The following CYB5R4 variants were observed in gnomAD, a reference collection of about 807,000 sequenced individuals.
The protein encoded by CYB5R4 is N-terminal cytochrome b5 and cytochrome b5 oxidoreductase domain-containing protein.
A neutral mutation model predicts 70.2 loss-of-function variants in CYB5R4; 55 were observed. The ratio of observed to expected loss-of-function variants is 0.78; its 90% CI spans 0.63 to 0.98. CYB5R4 has a LOEUF of 0.98. Ranked by LOEUF, CYB5R4 falls within the 50% of genes least tolerant of loss-of-function variation. CYB5R4 has a pLI of 0.00. For synonymous variants in CYB5R4, 197 were observed against 199.5 expected (o/e 0.99, Z 0.11); for missense variants, 562 against 612.6 (o/e 0.92, Z 0.87).
intron 9 of CYB5R4, 21 bp from the exon 10 acceptor site, chr6:83,924,449 T>C (rs888165949): frequency 6.2e-7 from 1 of 1,609,462 alleles, no homozygotes. Flanking sequence ...TGAACACAAA[T>C]GGAATTTATC....
intron 3 of CYB5R4, among the ~76,000 whole-genome samples, chr6:83,898,548 C>T (rs2099462316): frequency 6.6e-6 from 1 of 152,084 alleles, no homozygotes; most frequent in Non-Finnish European, 1.5e-5. Context: ...TATAAATTAC[C>T]TTGGGCAGTA....
rs761812600 is a variant in CYB5R4, at chr6:83,918,101, C to CA, written c.506+38dup. The stretch of plus-strand genomic sequence containing the variant: ...TTATTTAAAATTTTTAAAGTTAAAT[C>CA]AATTATGTACAAAAATGTACACATT... On this transcript the variant is annotated intron_variant, in intron 6 of 15. Coordinates refer to ENST00000369681, the MANE Select transcript of CYB5R4 (RefSeq NM_016230.4). 5.5e-6 allele frequency: 8 copies of CA among 1,463,526 alleles called. 1 individual carries two copies. In the South Asian group the frequency reaches 9.3e-5, roughly 17 times the overall value. The allele number at this position is 1,463,526 out of a possible 1,614,324, so 90.7% of individuals were successfully genotyped here.
intron 14 of CYB5R4, among the ~76,000 whole-genome samples, chr6:83,944,846 C>T (rs1428018304): frequency 6.6e-6 from 1 of 152,022 alleles, no homozygotes; most frequent in African/African-American, 2.4e-5. Context: ...AAGGGCATTA[C>T]ATAATGCTAA....
chr6:83,907,490 CTTTTA>C (rs1393805534), intron 3 of CYB5R4, among the ~76,000 whole-genome samples: 153 of 146,724 alleles, frequency 1.0e-3, no homozygotes, highest in African/African-American at 3.6e-3. Context: ...TTTTTTTTAA[CTTTTA>C]TTTTAGGTTC....
chr6:83,893,654 C>T (rs531370161), intron 3 of CYB5R4, 32 bp downstream of exon 3: 86 of 1,256,628 alleles, frequency 6.8e-5, no homozygotes, highest in South Asian at 4.4e-4. Context: ...CAAAGTATTC[C>T]GGTGGAAGAG....
intron 8 of CYB5R4, among the ~76,000 whole-genome samples, chr6:83,921,665 C>A (rs1482041167): frequency 1.3e-5 from 2 of 152,032 alleles, no homozygotes; most frequent in Non-Finnish European, 2.9e-5. Context: ...TTTATCAGGA[C>A]AGAGAAAAAA....
intron 2 of CYB5R4, among the ~76,000 whole-genome samples, chr6:83,865,307 A>G (rs772574276): frequency 8.5e-5 from 13 of 152,216 alleles, no homozygotes; most frequent in Non-Finnish European, 1.5e-5. Context: ...TAAATGCTGT[A>G]TTAATTTCCT....
rs61756920 is a variant in CYB5R4, at chr6:83,953,177, A to C, written c.1347-2121A>C. Among the ~76,000 whole-genome samples the C allele has an allele frequency of 3.1e-3, 473 of 152,256 alleles. 3 individuals carry two copies. The highest frequency in any genetic ancestry group is 0.011 in the African/African-American group (447 of 41,544). On this transcript the variant is annotated intron_variant, in intron 14 of 15. Coordinates refer to ENST00000369681, the MANE Select transcript of CYB5R4 (RefSeq NM_016230.4). ...TATGCCTTCCTGAAGATTTACTCTG[A>C]ACTTAGCATATATAAGGCTTTCTGA...
intron 14 of CYB5R4, among the ~76,000 whole-genome samples, chr6:83,952,414 AG>A (rs993001696): frequency 5.3e-5 from 8 of 152,222 alleles, no homozygotes; most frequent in African/African-American, 1.9e-4. Context: ...CATTTTTGTG[AG>A]GGTGGGAATA....
At chr6:83,918,273 T>C (rs1257352575) in intron 6 of CYB5R4, among the ~76,000 whole-genome samples, 1 of 152,074 alleles carries the variant, frequency 6.6e-6, no homozygotes, top group Non-Finnish European at 1.5e-5. Flanking sequence ...TGAAGTTTGA[T>C]CCATTTTAAA....
intron 2 of CYB5R4, among the ~76,000 whole-genome samples, chr6:83,881,675 T>C (rs1588562487): frequency 6.6e-6 from 1 of 152,246 alleles, no homozygotes. Context: ...TGTTTGGTTT[T>C]CAGGCTTCCA....
intron 15 of CYB5R4, among the ~76,000 whole-genome samples, chr6:83,957,997 C>T (rs2099472688): frequency 6.6e-6 from 1 of 152,032 alleles, no homozygotes; most frequent in South Asian, 2.1e-4. Flanking sequence ...ATGAGTCTTT[C>T]TTGTGATTGT....
intron 9 of CYB5R4, 125 bp from the exon 10 acceptor site, chr6:83,924,345 C>T: frequency 1.2e-6 from 1 of 851,074 alleles, no homozygotes; most frequent in Non-Finnish European, 1.7e-6. Flanking sequence ...TCTTATTTAT[C>T]CCACTAATAA....
chr6:83,963,044 AGATATCCAGG>A lies in CYB5R4; in HGVS notation c.*3168_*3177del, dbSNP rs1458790760. 6.6e-6 allele frequency: 1 copy of A among 152,246 alleles called. No individual in the cohort carries two copies. Among genetic ancestry groups the A allele is most frequent in the Non-Finnish European group, 1.5e-5 (1 of 68,056 alleles). The allele number at this position is 152,246 out of a possible 1,614,324, so 9.4% of individuals were successfully genotyped here. On this transcript the variant is annotated 3_prime_UTR_variant, in exon 16 of 16. Transcript: ENST00000369681. ...TCATGTGGTTAGATTGGACCTATCC[AGATATCCAGG>A]GTAATCTTCCTATTTTAAAAATCTA...
intron 12 of CYB5R4, among the ~76,000 whole-genome samples, chr6:83,937,230 G>T (rs891279988): frequency 6.6e-6 from 1 of 151,954 alleles, no homozygotes; most frequent in Admixed American, 6.6e-5. Context: ...AGCCGAGATC[G>T]TGCCACTGTA....
intron 2 of CYB5R4, among the ~76,000 whole-genome samples, chr6:83,867,447 G>A (rs573274958): frequency 6.6e-6 from 1 of 152,354 alleles, no homozygotes; most frequent in East Asian, 1.9e-4. Flanking sequence ...GTGTACTCTT[G>A]AAGGGATTTG....
chr6:83,917,106 C>T (rs1386338896), intron 5 of CYB5R4, among the ~76,000 whole-genome samples: 1 of 151,990 alleles, frequency 6.6e-6, no homozygotes, highest in Non-Finnish European at 1.5e-5. Flanking sequence ...TTTCTGAAGT[C>T]ATTTAAAAAC....
intron 5 of CYB5R4, 74 bp from the exon 6 acceptor site, chr6:83,917,931 C>A: frequency 9.0e-7 from 1 of 1,110,962 alleles, no homozygotes; most frequent in Non-Finnish European, 1.4e-6. Context: ...TGATATTTCA[C>A]TAAGAAGTTA....
chr6:83,942,549 C>T (rs145053877), intron 14 of CYB5R4, among the ~76,000 whole-genome samples: 399 of 152,344 alleles, frequency 2.6e-3, no homozygotes, highest in African/African-American at 8.0e-3. Flanking sequence ...TTTGGGCAGA[C>T]ACCAAGCTAG....
Sources: allele counts gnomAD v4.1 joint callset (sites outside exome capture counted in the v4.1 genomes callset), GRCh38; gene constraint gnomAD v4.1.1; transcripts MANE v1.5; gene names NCBI Gene and HGNC (gene_info 2026-07-23, HGNC 2026-07-21).